The following NINJ2 variants were observed in gnomAD, a reference collection of about 807,000 sequenced individuals.
NINJ2 encodes the protein ninjurin 2.
A neutral mutation model predicts 11.7 loss-of-function variants in NINJ2; 12 were observed. The ratio of observed to expected loss-of-function variants is 1.02; its 90% CI spans 0.66 to 1.66. NINJ2 has a LOEUF of 1.66. NINJ2 is among the 40% of genes most tolerant of loss of function. The pLI is 0.00. For missense variants in NINJ2, 187 were observed against 181.8 expected (o/e 1.03, Z -0.16); for synonymous variants, 93 against 76.8 (o/e 1.21, Z -1.10).
At chr12:647,794 T>C (rs527888731) in intron 1 of NINJ2, among the ~76,000 whole-genome samples, 28 of 152,258 alleles carry the variant, frequency 1.8e-4, no homozygotes, top group African/African-American at 6.7e-4. Context: ...ATTTGGTGGG[T>C]CTAAGGATTT....
chr12:610,267 C>T, intron 1 of NINJ2: 1 of 1,230,884 alleles, frequency 8.1e-7, no homozygotes, highest in Non-Finnish European at 1.1e-6. Flanking sequence ...CTCTGGCAGC[C>T]CTCTTCACCT....
intron 1 of NINJ2, among the ~76,000 whole-genome samples, chr12:639,545 G>A (rs1030501076): frequency 1.3e-5 from 2 of 151,988 alleles, no homozygotes; most frequent in Non-Finnish European, 2.9e-5. Context: ...GTGTAAGAAT[G>A]AACAGAAAAG....
At chr12:626,533 T>C (rs1021435191) in intron 1 of NINJ2, among the ~76,000 whole-genome samples, 1 of 152,172 alleles carries the variant, frequency 6.6e-6, no homozygotes, top group Admixed American at 6.5e-5. Flanking sequence ...TACAAAGGCA[T>C]TGATGCACTA....
chr12:662,483 T>C (rs1937971317), intron 1 of NINJ2, among the ~76,000 whole-genome samples: 1 of 152,082 alleles, frequency 6.6e-6, no homozygotes. Flanking sequence ...TAATCCGAAG[T>C]GTATATTGGG....
At chr12:577,043 G>A (rs992447696) in intron 1 of NINJ2, among the ~76,000 whole-genome samples, 7 of 152,134 alleles carry the variant, frequency 4.6e-5, no homozygotes, top group African/African-American at 1.4e-4. Flanking sequence ...TGATATTGCT[G>A]TATGTCAGGC....
At chr12:605,626 C>T (rs906920057) in intron 1 of NINJ2, among the ~76,000 whole-genome samples, 21 of 152,306 alleles carry the variant, frequency 1.4e-4, no homozygotes, top group Middle Eastern at 3.4e-3. Flanking sequence ...GTCCACTCAG[C>T]AAAGAAGCTA....
At chr12:623,598 C>T (rs1948179041) in intron 1 of NINJ2, among the ~76,000 whole-genome samples, 1 of 152,192 alleles carries the variant, frequency 6.6e-6, no homozygotes, top group African/African-American at 2.4e-5. Context: ...CCAGCATGTA[C>T]CCTGGGATGA....
At position 596,044 on chromosome 12, in the gene NINJ2, T is replaced by C. The variant is rs958212578; in HGVS notation, c.34-29866A>G. The stretch of plus-strand genomic sequence containing the variant: ...CTGCAAGGATGTGGAACAACATCCT[T>C]GTTCATTGCTGGTGGGAATGCAAAA... On this transcript the variant is annotated intron_variant, in intron 1 of 3. Coordinates refer to ENST00000305108, the MANE Select transcript of NINJ2 (RefSeq NM_016533.6). Among the ~76,000 whole-genome samples the C allele has an allele frequency of 5.3e-5, 8 of 152,202 alleles. No individual in the cohort carries two copies. In the East Asian group the frequency reaches 1.5e-3, roughly 29 times the overall value.
chr12:643,730 C>G, intron 1 of NINJ2: 1 of 958,150 alleles, frequency 1.0e-6, no homozygotes, highest in East Asian at 1.2e-4. Context: ...CACATCTTTT[C>G]TGGAACTCGC....
chr12:570,636 T>C (rs11063638), intron 1 of NINJ2, among the ~76,000 whole-genome samples: 50,812 of 152,016 alleles, frequency 0.33, 10,136 homozygotes, highest in African/African-American at 0.54. Flanking sequence ...CATTCCCGTT[T>C]CGCCGGACTC....
At chr12:654,458 T>G (rs1490370335) in intron 1 of NINJ2, among the ~76,000 whole-genome samples, 1 of 149,604 alleles carries the variant, frequency 6.7e-6, no homozygotes, top group Non-Finnish European at 1.5e-5. Context: ...GAGGCAGAGG[T>G]TGCGGTGAGC....
intron 1 of NINJ2, among the ~76,000 whole-genome samples, chr12:609,194 GCACA>G (rs57835884): frequency 8.3e-6 from 1 of 120,400 alleles, no homozygotes; most frequent in Non-Finnish European, 1.7e-5. Flanking sequence ...GGTGCTGAAC[GCACA>G]CGCACGGCGC....
chr12:573,155 A>G (rs190481095), intron 1 of NINJ2, among the ~76,000 whole-genome samples: 8 of 151,556 alleles, frequency 5.3e-5, no homozygotes, highest in African/African-American at 1.9e-4. Flanking sequence ...CCTCCCGAGT[A>G]GCTGGGACTA....
intron 1 of NINJ2, among the ~76,000 whole-genome samples, chr12:657,979 C>T (rs1010804600): frequency 6.8e-6 from 1 of 147,548 alleles, no homozygotes; most frequent in African/African-American, 2.5e-5. Flanking sequence ...ACACAAAAAC[C>T]TACACAGGCT....
chr12:613,540 C>T, intron 1 of NINJ2, among the ~76,000 whole-genome samples: 1 of 151,476 alleles, frequency 6.6e-6, no homozygotes, highest in South Asian at 2.1e-4. Context: ...ACTTAGGAGG[C>T]AGAGGTTGCA....
chr12:592,049 G>A lies in NINJ2; in HGVS notation c.34-25871C>T, dbSNP rs535290807. Among the ~76,000 whole-genome samples, 237 of 151,992 alleles carry A rather than the reference G, an allele frequency of 1.6e-3. 1 individual carries two copies. The highest frequency in any genetic ancestry group is 2.8e-3 in the Admixed American group (42 of 15,268). ...AAACGCATATCTTGTTTGCATTCTC[G>A]GTGAACTTACCATTAATCTGTGACA... On this transcript the variant is annotated intron_variant, in intron 1 of 3. Coordinates refer to ENST00000305108, the MANE Select transcript of NINJ2 (RefSeq NM_016533.6).
chr12:651,261 C>T (rs1937781518), intron 1 of NINJ2, among the ~76,000 whole-genome samples: 1 of 151,536 alleles, frequency 6.6e-6, no homozygotes, highest in Non-Finnish European at 1.5e-5. Context: ...CTTAACAAGG[C>T]CTGACCTCAG....
At chr12:604,436 G>A (rs557370583) in intron 1 of NINJ2, among the ~76,000 whole-genome samples, 393 of 152,224 alleles carry the variant, frequency 2.6e-3, no homozygotes, top group African/African-American at 9.1e-3. Context: ...TCAGGAGTTC[G>A]AGACGAGCCT....
intron 1 of NINJ2, among the ~76,000 whole-genome samples, chr12:598,600 G>A (rs1299184192): frequency 6.6e-6 from 1 of 152,164 alleles, no homozygotes; most frequent in Non-Finnish European, 1.5e-5. Flanking sequence ...GTCATTTGAG[G>A]TCCACCTAAT....
Sources: allele counts gnomAD v4.1 joint callset (sites outside exome capture counted in the v4.1 genomes callset), GRCh38; gene constraint gnomAD v4.1.1; transcripts MANE v1.5; gene names NCBI Gene and HGNC (gene_info 2026-07-23, HGNC 2026-07-21).